TMEM117: variants seen among roughly 807,000 people sequenced by gnomAD.
TMEM117 encodes the protein transmembrane protein 117.
TMEM117 carries 27 observed loss-of-function variants against 52.4 expected under a neutral mutation model. The ratio of observed to expected loss-of-function variants is 0.51; its 90% CI spans 0.38 to 0.71. The LOEUF is 0.71. TMEM117 is among the 30% of genes least tolerant of loss of function. TMEM117 has a pLI of 0.00. For synonymous variants in TMEM117, 215 were observed against 206.3 expected, an observed-to-expected ratio of 1.04 and a Z score of -0.36; for missense variants, 556 against 630.5, an observed-to-expected ratio of 0.88 and a Z score of 1.26.
At chr12:43,911,939 C>G (rs1278574187) in intron 2 of TMEM117, among the ~76,000 whole-genome samples, 1 of 132,358 alleles carries the variant, frequency 7.6e-6, no homozygotes, top group Non-Finnish European at 1.7e-5. Flanking sequence ...GTCAGTGTGG[C>G]GATTCCTCAG....
intron 4 of TMEM117, among the ~76,000 whole-genome samples, chr12:44,169,540 T>C (rs60379168): frequency 0.019 from 2,899 of 152,302 alleles, 79 homozygotes; most frequent in African/African-American, 0.066. Flanking sequence ...CATTTTTTAA[T>C]GGACTTGTTT....
At chr12:44,258,566 C>T (rs1370655522) in intron 5 of TMEM117, among the ~76,000 whole-genome samples, 1 of 151,990 alleles carries the variant, frequency 6.6e-6, no homozygotes, top group East Asian at 1.9e-4. Flanking sequence ...GAAAAATCAA[C>T]CTTGTTAAAT....
intron 3 of TMEM117, among the ~76,000 whole-genome samples, chr12:43,971,069 G>A (rs1458182293): frequency 2.0e-5 from 3 of 152,090 alleles, no homozygotes; most frequent in African/African-American, 7.2e-5. Context: ...CAGTAGCTAA[G>A]GCCAGACTTA....
At chr12:44,105,617 A>G (rs769052727) in intron 3 of TMEM117, among the ~76,000 whole-genome samples, 2 of 151,924 alleles carry the variant, frequency 1.3e-5, no homozygotes, top group Non-Finnish European at 2.9e-5. Context: ...CTATAGCCCT[A>G]TGGTTAGGTC....
In TMEM117 at chr12:44,280,362, A is replaced by T. The variant is rs1950563040; in HGVS notation, c.609-19218A>T. Among the ~76,000 whole-genome samples the T allele has an allele frequency of 2.0e-5, 3 of 152,160 alleles. No homozygotes were observed. The South Asian group carries it at 6.2e-4, about 31-fold the overall frequency. On this transcript the variant is annotated intron_variant, in intron 5 of 7. Transcript: ENST00000266534. ...ATTCACATAGTCTAGAAACTGTGGA[A>T]ATATCTGCCATTCTTCTCCCATGTT...
chr12:43,936,967 G>T lies in TMEM117; in HGVS notation c.278-7243G>T, dbSNP rs539843818. Among the ~76,000 whole-genome samples the T allele has an allele frequency of 6.6e-5, 10 of 152,276 alleles. No individual in the cohort carries two copies. In the East Asian group the frequency reaches 1.9e-3, roughly 29 times the overall value. ...AGAGGCCTCAGAGGTGGAGAAAAAA[G>T]AATGAGGAGAGAGGGAGAGATCAGA... On this transcript the variant is annotated intron_variant, in intron 2 of 7. Coordinates refer to ENST00000266534, the MANE Select transcript of TMEM117 (RefSeq NM_032256.3).
intron 2 of TMEM117, among the ~76,000 whole-genome samples, chr12:43,896,639 G>A (rs1285689521): frequency 9.3e-5 from 14 of 150,354 alleles, no homozygotes; most frequent in Admixed American, 6.0e-4. Context: ...TTTTTTTGTG[G>A]TCCACACTTC....
intron 3 of TMEM117, among the ~76,000 whole-genome samples, chr12:44,040,353 A>G (rs1308115510): frequency 6.6e-6 from 1 of 152,204 alleles, no homozygotes; most frequent in Non-Finnish European, 1.5e-5. Context: ...TGCGAGCTGT[A>G]CAAACTGGAT....
At chr12:44,234,133 G>T (rs567724794) in intron 5 of TMEM117, among the ~76,000 whole-genome samples, 2 of 151,418 alleles carry the variant, frequency 1.3e-5, no homozygotes, top group East Asian at 3.9e-4. Context: ...GTTGGGGATT[G>T]TATACTCTTT....
Position 44,088,274 on chromosome 12 carries a change from T to A in TMEM117, c.411-55251T>A, listed in dbSNP as rs115906140. Reference sequence around the variant, plus strand: ...AATATTTTCAGAACAGCTTAAAGTTTACAATGTAGTTTCACCAGTGTTTTC... The same window carrying A: ...AATATTTTCAGAACAGCTTAAAGTTAACAATGTAGTTTCACCAGTGTTTTC... On this transcript the variant is annotated intron_variant, in intron 3 of 7. Transcript: ENST00000266534. Among the ~76,000 whole-genome samples, 563 of 152,322 alleles carry A rather than the reference T, an allele frequency of 3.7e-3. 4 individuals carry two copies. The highest frequency in any genetic ancestry group is 0.012 in the African/African-American group (512 of 41,574).
At chr12:44,002,726 C>T (rs933824917) in intron 3 of TMEM117, among the ~76,000 whole-genome samples, 1 of 152,158 alleles carries the variant, frequency 6.6e-6, no homozygotes, top group African/African-American at 2.4e-5. Context: ...GAGAGTTTCC[C>T]TGGCTCCCTG....
intron 3 of TMEM117, among the ~76,000 whole-genome samples, chr12:44,095,578 G>T (rs1947744513): frequency 6.6e-6 from 1 of 151,986 alleles, no homozygotes; most frequent in Admixed American, 6.6e-5. Context: ...ATGAAAGTAG[G>T]CCTTTAGATT....
At chr12:44,022,127 C>CA (rs1198400595) in intron 3 of TMEM117, among the ~76,000 whole-genome samples, 1 of 152,106 alleles carries the variant, frequency 6.6e-6, no homozygotes, top group Non-Finnish European at 1.5e-5. Context: ...TTTATGTGAA[C>CA]ATTAAAGACA....
intron 5 of TMEM117, among the ~76,000 whole-genome samples, chr12:44,237,953 AAC>A (rs1161234405): frequency 6.6e-6 from 1 of 152,168 alleles, no homozygotes; most frequent in African/African-American, 2.4e-5. Flanking sequence ...TACTCAATAA[AAC>A]AGTTATATCT....
intron 2 of TMEM117, among the ~76,000 whole-genome samples, chr12:43,865,967 GGACAGTGT>G (rs1400406605): frequency 6.6e-6 from 1 of 151,750 alleles, no homozygotes; most frequent in Non-Finnish European, 1.5e-5. Flanking sequence ...CAAAAAACCA[GGACAGTGT>G]GACCCATAGT....
intron 2 of TMEM117, among the ~76,000 whole-genome samples, chr12:43,885,840 A>G (rs1230272952): frequency 6.6e-6 from 1 of 152,222 alleles, no homozygotes; most frequent in Non-Finnish European, 1.5e-5. Flanking sequence ...CTTCCTGGAG[A>G]TGGTTACACA....
At chr12:44,040,306 G>C (rs1291029218) in intron 3 of TMEM117, among the ~76,000 whole-genome samples, 1 of 151,868 alleles carries the variant, frequency 6.6e-6, no homozygotes, top group Non-Finnish European at 1.5e-5. Context: ...TTTAACAACT[G>C]GCTCACAAAA....
Position 44,211,378 on chromosome 12 carries a change from C to T in TMEM117, c.599C>T (p.Thr200Ile). 6.2e-7 allele frequency: 1 copy of T among 1,606,156 alleles called. No individual in the cohort carries two copies. Among genetic ancestry groups the T allele is most frequent in the South Asian group, 1.1e-5 (1 of 90,212 alleles). The change falls in exon 5 of 8, where the codon ACT (threonine) becomes ATT (isoleucine). Residue 200 changes from threonine to isoleucine, a missense_variant. Physicochemically the swap from Thr to Ile is moderately conservative, Grantham distance 89. Around this residue, in one of 3 missense-constraint regions of TMEM117, gnomAD observed 328 missense variants for 371.4 expected, o/e 0.88. Coordinates refer to ENST00000266534, the MANE Select transcript of TMEM117 (RefSeq NM_032256.3). ...TGGAAGAAAGGAAATGTTAGGATCA[C>T]TTTATTCTGGTAGGAAATTGTTTCA... ...AFWKKGNVRITLFWTVLFTLT... is the reference protein window; with the variant it reads ...AFWKKGNVRIILFWTVLFTLT...
chr12:44,115,251 T>G (rs547094879), intron 3 of TMEM117, among the ~76,000 whole-genome samples: 20 of 152,172 alleles, frequency 1.3e-4, no homozygotes, highest in African/African-American at 4.8e-4. Flanking sequence ...AGGTGGGAAT[T>G]GAACAATGAG....
Sources: gnomAD v4.1 joint callset for allele counts (sites outside exome capture counted in the v4.1 genomes callset) on GRCh38, gnomAD v4.1.1 for gene constraint, gnomAD v4.1.1 regional missense constraint, MANE v1.5 for transcripts, NCBI Gene and HGNC (gene_info 2026-07-23, HGNC 2026-07-21) for gene names.